The following FGG variants were observed in gnomAD, a reference collection of about 807,000 sequenced individuals.
FGG encodes the protein fibrinogen, gamma polypeptide.
In FGG, 20 loss-of-function variants were observed where a neutral mutation model predicts 51.7. That is an observed-to-expected ratio of 0.39 (90% CI 0.27 to 0.56). FGG has a LOEUF of 0.56. Ranked by LOEUF, FGG falls within the 20% of genes least tolerant of loss-of-function variation. The pLI is 0.64. For synonymous variants in FGG, 184 were observed against 184.7 expected, an observed-to-expected ratio of 1.00 and a Z score of 0.03; for missense variants, 460 against 534.2, an observed-to-expected ratio of 0.86 and a Z score of 1.37.
rs78257946 is a variant in FGG, at chr4:154,606,735, C to T, written c.1099G>A (p.Ala367Thr). 29 of 1,613,910 alleles carry T rather than the reference C, an allele frequency of 1.8e-5. No homozygotes were observed. In the African/African-American group the frequency reaches 1.9e-4, roughly 10 times the overall value. ...GSGWWMNKCH[A>T]GHLNGVYYQG... ...TAATAAACTCCATTGAGATGGCCAG[C>T]GTGACACTTGTTCATCCACCAACCA... Residue 367 changes from alanine (A) to threonine (T), a missense_variant, in exon 8 of 9, where the codon GCT becomes ACT. Around this residue, in one of 3 missense-constraint regions of FGG, gnomAD observed 15 missense variants for 48.8 expected, o/e 0.31. Transcript: ENST00000336098.
At position 154,604,563 on chromosome 4, in the gene FGG, G is replaced by A. The variant is rs2066879; in HGVS notation, c.*271C>T. ...TTTACGAAGACAAAATAAATGACAA[G>A]TGGTCATAAAAATGCAAATAAAGTC... On this transcript the variant is annotated 3_prime_UTR_variant, in exon 9 of 9. Transcript: ENST00000336098. 2,783 of 1,151,626 alleles carry A rather than the reference G, an allele frequency of 2.4e-3. 46 individuals are homozygous for A. The African/African-American group carries it at 0.04, about 17-fold the overall frequency. 71.3% of individuals were successfully genotyped at this position (1,151,626 alleles called of 1,614,324 possible). A position where few individuals can be genotyped will look rare whatever the true frequency, so the allele number is the denominator to read the frequency against.
chr4:154,607,105 T>C (rs776124313), intron 7 of FGG, 123 bp from the exon 8 acceptor site: 50 of 1,263,562 alleles, frequency 4.0e-5, no homozygotes, highest in Non-Finnish European at 4.9e-5. Context: ...AATTTGCTCA[T>C]TGAGTGAAGT....
chr4:154,612,345 C>T lies in FGG; in HGVS notation c.123+46G>A, dbSNP rs375819218. The T allele has an allele frequency of 1.1e-5, 17 of 1,602,496 alleles. No homozygotes were observed. In the African/African-American group the frequency reaches 2.0e-4, roughly 19 times the overall value. On this transcript the variant is annotated intron_variant, in intron 2 of 8. Transcript: ENST00000336098. ...GAGGGAATTATTTCTATTCCTCTGC[C>T]CCTCTCCAGTTCACACACAAAGGGA... is the stretch of plus-strand genomic sequence containing the variant.
chr4:154,612,654 G>T lies in FGG; in HGVS notation c.-45C>A. On this transcript the variant is annotated 5_prime_UTR_variant, in exon 1 of 9. Coordinates refer to ENST00000336098, the MANE Select transcript of FGG (RefSeq NM_021870.3). The stretch of plus-strand genomic sequence containing the variant: ...CTCCGAGCCTTGTAGTGTCAGCACT[G>T]TCACCTCTCAGGCTCCAATTGTCCC... 6.4e-7 allele frequency: 1 copy of T among 1,554,492 alleles called. No individual in the cohort carries two copies. The highest frequency in any genetic ancestry group is 8.9e-7 in the Non-Finnish European group (1 of 1,126,102).
intron 5 of FGG, 149 bp downstream of exon 5, chr4:154,609,918 A>T: frequency 6.7e-7 from 1 of 1,488,778 alleles, no homozygotes; most frequent in Non-Finnish European, 9.3e-7. Context: ...TGTTTTTTTT[A>T]GCTATTCAAG....
chr4:154,612,343 G>T (rs780625317), intron 2 of FGG, 48 bp downstream of exon 2: 3 of 1,598,474 alleles, frequency 1.9e-6, no homozygotes, highest in Non-Finnish European at 2.6e-6. Flanking sequence ...CTATTCCTCT[G>T]CCCCTCTCCA....
rs757252622 is a variant in FGG, at chr4:154,610,143, C to T, written c.456G>A (p.Glu152=). 1.9e-6 allele frequency: 3 copies of T among 1,608,234 alleles called. No homozygotes were observed. Among genetic ancestry groups the T allele is most frequent in the Non-Finnish European group, 2.6e-6 (3 of 1,174,758 alleles). The change falls in exon 5 of 9, where the codon GAG becomes GAA. Residue 152 remains glutamate, a synonymous_variant. Coordinates refer to ENST00000336098, the MANE Select transcript of FGG (RefSeq NM_021870.3). ...SNNQKIVNLK[E]KVAQLEAQCQ... Reference sequence around the variant, plus strand: ...ACTGTGCTTCAAGCTGGGCTACCTTCTCTTTCAGGTTAACAATCTTTTGAT... The same window carrying T: ...ACTGTGCTTCAAGCTGGGCTACCTTTTCTTTCAGGTTAACAATCTTTTGAT...
chr4:154,605,021 C>T lies in FGG; in HGVS notation c.1175G>A (p.Gly392Asp). Residue 392 changes from glycine to aspartate, a missense_variant, in exon 9 of 9, where the codon GGC (glycine) becomes GAC (aspartate). Transcript: ENST00000336098. ...KASTPNGYDNGIIWATWKTRW... is the reference protein window; with the variant it reads ...KASTPNGYDNDIIWATWKTRW... ...GGTTTTCCAAGTGGCCCAAATAATG[C>T]CATTATCATAACCATTAGGAGTAGA... The T allele has an allele frequency of 6.2e-7, 1 of 1,613,926 alleles. No homozygotes were observed. The highest frequency in any genetic ancestry group is 8.5e-7 in the Non-Finnish European group (1 of 1,179,954).
Position 154,604,698 on chromosome 4 carries a change from AG to A in FGG, c.*135del. The A allele has an allele frequency of 6.7e-7, 1 of 1,488,498 alleles. No individual in the cohort carries two copies. The highest frequency in any genetic ancestry group is 2.4e-5 in the East Asian group (1 of 41,200). The allele number at this position is 1,488,498 out of a possible 1,614,324, so 92.2% of individuals were successfully genotyped here. The stretch of plus-strand genomic sequence containing the variant: ...TAATTTGGAAATACAGTCCTAAATG[AG>A]TTTTAATTTCCATTGAAGGCTAAAT... On this transcript the variant is annotated 3_prime_UTR_variant, in exon 9 of 9. Transcript: ENST00000336098.
chr4:154,609,208 G>C (rs1399516916), intron 6 of FGG, among the ~76,000 whole-genome samples: 1 of 152,036 alleles, frequency 6.6e-6, no homozygotes, highest in Non-Finnish European at 1.5e-5. Flanking sequence ...GATGGTGGTG[G>C]GGTGGTGGGG....
chr4:154,612,587 C>T lies in FGG; in HGVS notation c.23G>A (p.Arg8Gln), dbSNP rs750711649. 8.1e-6 allele frequency: 13 copies of T among 1,613,660 alleles called. No homozygotes were observed. The highest frequency in any genetic ancestry group is 4.4e-5 in the South Asian group (4 of 91,082). The change falls in exon 1 of 9, where the codon CGG (arginine) becomes CAG (glutamine). Residue 8 changes from arginine to glutamine, a missense_variant. This residue lies in a region of FGG where 353 missense variants were observed against 391.7 expected (regional missense o/e 0.90). Transcript: ENST00000336098. The part of the protein sequence containing the change: MSWSLHP[R>Q]NLILYFYALL... ...AGCATAGAAGTAGAGAATTAAATTC[C>T]GGGGGTGCAAGGACCAACTCATGAT...
At position 154,604,905 on chromosome 4, in the gene FGG, C is replaced by T. The variant is rs187841130; in HGVS notation, c.1291G>A (p.Ala431Thr). 6.8e-6 allele frequency: 11 copies of T among 1,614,134 alleles called. No individual in the cohort carries two copies. In the African/African-American group the frequency reaches 1.5e-4, roughly 22 times the overall value. The change falls in exon 9 of 9, where the codon GCC becomes ACC. Residue 431 changes from alanine (A) to threonine (T), a missense_variant. Ala to Thr is a moderately conservative substitution (Grantham distance 58). Coordinates refer to ENST00000336098, the MANE Select transcript of FGG (RefSeq NM_021870.3). ...GEGQQHHLGG[A>T]KQVRPEHPAE... is the part of the protein sequence containing the mutation. ...GGGTGCTCTGGTCTGACCTGTTTGG[C>T]TCCCCCCAGGTGGTGTTGCTGTCCT...
rs1302752464 is a variant in FGG at position 154,611,792 on chromosome 4, C to CA, written c.401+12dup. ...ATCAGTCTTGCAGAGCAAATTAAAA[C>CA]AAAAATCCTTACCGAATACTTGAGT... On this transcript the variant is annotated intron_variant, in intron 4 of 8. Transcript: ENST00000336098. 1 of 1,580,712 alleles carries CA rather than the reference C, an allele frequency of 6.3e-7. No individual in the cohort carries two copies. The highest frequency in any genetic ancestry group is 1.3e-5 in the African/African-American group (1 of 74,176).
At position 154,604,252 on chromosome 4, in the gene FGG, G is replaced by A; in HGVS notation, c.*582C>T. The A allele has an allele frequency of 9.5e-7, 1 of 1,052,640 alleles. No individual in the cohort carries two copies. The highest frequency in any genetic ancestry group is 1.8e-5 in the South Asian group (1 of 54,298). 65.2% of individuals were successfully genotyped at this position (1,052,640 alleles called of 1,614,324 possible). ...TGCTCTTAAAATGAAGTGAAGCTTT[G>A]CAAGTCCATTGTCCAATAGGAAAAA... On this transcript the variant is annotated 3_prime_UTR_variant, in exon 9 of 9. Coordinates refer to ENST00000336098, the MANE Select transcript of FGG (RefSeq NM_021870.3).
chr4:154,611,715 A>C, intron 4 of FGG, 90 bp downstream of exon 4: 1 of 862,048 alleles, frequency 1.2e-6, no homozygotes, highest in Non-Finnish European at 1.8e-6. Context: ...AAATGGGGAA[A>C]ACACATTAAA....
chr4:154,607,101 C>T lies in FGG; in HGVS notation c.852-119G>A, dbSNP rs956321612. ...CTTTGTTTCTTAAGGCTGAAATTTG[C>T]TCATTGAGTGAAGTTTTTTGCAAAT... On this transcript the variant is annotated intron_variant, in intron 7 of 8. Transcript: ENST00000336098. 3.8e-6 allele frequency: 5 copies of T among 1,312,740 alleles called. No homozygotes were observed. The African/African-American group carries it at 5.9e-5, about 15-fold the overall frequency. 81.3% of individuals were successfully genotyped at this position (1,312,740 alleles called of 1,614,324 possible). A position where few individuals can be genotyped will look rare whatever the true frequency, so the allele number is the denominator to read the frequency against.
chr4:154,606,953 C>G lies in FGG; in HGVS notation c.881G>C (p.Gly294Ala), dbSNP rs377163164. Residue 294 changes from glycine to alanine, a missense_variant, in exon 8 of 9, where the codon GGA (glycine) becomes GCA (alanine). This residue lies in a region of FGG where 353 missense variants were observed against 391.7 expected (regional missense o/e 0.90). Coordinates refer to ENST00000336098, the MANE Select transcript of FGG (RefSeq NM_021870.3). Reference protein sequence around the residue: ...STADYAMFKVGPEADKYRLTY... With the variant: ...STADYAMFKVAPEADKYRLTY... ...TAGGCGGTACTTGTCAGCTTCAGGT[C>G]CCACCTTGAACATGGCATAGTCTGC... 86 of 1,611,082 alleles carry G rather than the reference C, an allele frequency of 5.3e-5. No homozygotes were observed. The highest frequency in any genetic ancestry group is 7.0e-5 in the Non-Finnish European group (83 of 1,178,400).
Position 154,604,635 on chromosome 4 carries a change from T to C in FGG, c.*199A>G. 7.5e-7 allele frequency: 1 copy of C among 1,336,052 alleles called. No individual in the cohort carries two copies. The highest frequency in any genetic ancestry group is 1.8e-5 in the South Asian group (1 of 56,208). The allele number at this position is 1,336,052 out of a possible 1,614,324, so 82.8% of individuals were successfully genotyped here. On this transcript the variant is annotated 3_prime_UTR_variant, in exon 9 of 9. Transcript: ENST00000336098. ...TTAGGAACAAAGTTGAAATGTTATCTCCTCAAATAAACAATTTTTAAATAA... is the reference window on the plus strand; with the variant it reads ...TTAGGAACAAAGTTGAAATGTTATCCCCTCAAATAAACAATTTTTAAATAA...
In FGG at chr4:154,604,207, GT is replaced by G; in HGVS notation, c.*626del. On this transcript the variant is annotated 3_prime_UTR_variant, in exon 9 of 9. Coordinates refer to ENST00000336098, the MANE Select transcript of FGG (RefSeq NM_021870.3). ...ATCATCAGCATAAAACTGTTATGGA[GT>G]TTTCAACATGGGGTCTTTTGCTCTT... The G allele has an allele frequency of 1.6e-6, 1 of 622,848 alleles. No homozygotes were observed. The allele number at this position is 622,848 out of a possible 1,614,324, so 38.6% of individuals were successfully genotyped here. A position where few individuals can be genotyped will look rare whatever the true frequency, so the allele number is the denominator to read the frequency against.
Sources: gnomAD v4.1 joint callset for allele counts (sites outside exome capture counted in the v4.1 genomes callset) on GRCh38, gnomAD v4.1.1 for gene constraint, gnomAD v4.1.1 regional missense constraint, MANE v1.5 for transcripts, NCBI Gene and HGNC (gene_info 2026-07-23, HGNC 2026-07-21) for gene names.